The following WDR45B variants were observed in gnomAD, a reference collection of about 807,000 sequenced individuals.
WDR45B encodes WD repeat domain 45B.
A neutral mutation model predicts 44.6 loss-of-function variants in WDR45B; 20 were observed. The observed-to-expected ratio is 0.45, with a 90% CI of 0.32 to 0.65. WDR45B has a LOEUF of 0.65. Among genes scored for constraint, WDR45B ranks in the 30% least tolerant of loss-of-function variants. The pLI is 0.05. For missense variants in WDR45B, 323 were observed against 430.2 expected (o/e 0.75, Z 2.20); for synonymous variants, 169 against 164.9 (o/e 1.02, Z -0.19).
At chr17:82,624,784 A>C (rs904704761) in intron 5 of WDR45B, among the ~76,000 whole-genome samples, 1 of 150,216 alleles carries the variant, frequency 6.7e-6, no homozygotes, top group Admixed American at 6.7e-5. Context: ...ACGCCCGGCT[A>C]ATTTTTTGTA....
At chr17:82,635,524 CAAGT>C (rs1249841819) in intron 2 of WDR45B, among the ~76,000 whole-genome samples, 1 of 149,456 alleles carries the variant, frequency 6.7e-6, no homozygotes, top group African/African-American at 2.5e-5. Context: ...CTCCTGGGTT[CAAGT>C]GATTCTCCTG....
At chr17:82,624,485 CTCCTGACCTCGTGA>C (rs2045665478) in intron 5 of WDR45B, among the ~76,000 whole-genome samples, 1 of 152,186 alleles carries the variant, frequency 6.6e-6, no homozygotes, top group South Asian at 2.1e-4. Context: ...TGCTCTCTAT[CTCCTGACCTCGTGA>C]TCCGCCCGCC....
chr17:82,622,737 G>GT (rs2143272814), intron 5 of WDR45B, among the ~76,000 whole-genome samples: 1 of 131,436 alleles, frequency 7.6e-6, no homozygotes, highest in South Asian at 2.4e-4. Context: ...TTTTTTTTTT[G>GT]TAAAGTAAGA....
chr17:82,637,265 T>C (rs1030111632), intron 2 of WDR45B, among the ~76,000 whole-genome samples: 1 of 151,920 alleles, frequency 6.6e-6, no homozygotes, highest in Non-Finnish European at 1.5e-5. Context: ...GCAACTAAAA[T>C]TGCAGCAATA....
intron 2 of WDR45B, 63 bp downstream of exon 2, chr17:82,643,886 T>C: frequency 2.8e-6 from 4 of 1,444,278 alleles, no homozygotes; most frequent in Non-Finnish European, 3.7e-6. Context: ...ACCTGCAAGG[T>C]TAAATTTAAG....
intron 2 of WDR45B, among the ~76,000 whole-genome samples, chr17:82,640,617 G>A (rs2045901997): frequency 6.6e-6 from 1 of 152,128 alleles, no homozygotes; most frequent in Admixed American, 6.5e-5. Flanking sequence ...CCAAAGTGCT[G>A]GGATTAGAGG....
At position 82,648,389 on chromosome 17, in the gene WDR45B, T is replaced by C; in HGVS notation, c.-49A>G. The C allele has an allele frequency of 6.3e-7, 1 of 1,589,116 alleles. No individual in the cohort carries two copies. The highest frequency in any genetic ancestry group is 1.7e-5 in the Admixed American group (1 of 58,612). Reference sequence around the variant, plus strand: ...CTCCTCAGCGCTGCATGCCTCTCGCTGGGGACGGCGGCCTGGTCCCTTCGG... The same window carrying C: ...CTCCTCAGCGCTGCATGCCTCTCGCCGGGGACGGCGGCCTGGTCCCTTCGG... On this transcript the variant is annotated 5_prime_UTR_variant, in exon 1 of 10. Coordinates refer to ENST00000392325, the MANE Select transcript of WDR45B (RefSeq NM_019613.4).
At chr17:82,621,207 C>T (rs2045611088) in intron 6 of WDR45B, among the ~76,000 whole-genome samples, 1 of 152,110 alleles carries the variant, frequency 6.6e-6, no homozygotes, top group Non-Finnish European at 1.5e-5. Flanking sequence ...GTACACACCA[C>T]CATGCCTGGC....
At chr17:82,642,403 C>T (rs534317487) in intron 2 of WDR45B, among the ~76,000 whole-genome samples, 3 of 152,254 alleles carry the variant, frequency 2.0e-5, no homozygotes, top group African/African-American at 4.8e-5. Flanking sequence ...AACCATCCCC[C>T]TATGAAAAAA....
chr17:82,617,572 G>A (rs1275712306), intron 7 of WDR45B, 175 bp from the exon 8 acceptor site: 2 of 683,140 alleles, frequency 2.9e-6, no homozygotes, highest in Non-Finnish European at 5.2e-6. Flanking sequence ...AGCACCACAG[G>A]TTGAAGCCAC....
In WDR45B at chr17:82,643,934, C is replaced by T. The variant is rs1333713256; in HGVS notation, c.142+15G>A. On this transcript the variant is annotated intron_variant, in intron 2 of 9. Coordinates refer to ENST00000392325, the MANE Select transcript of WDR45B (RefSeq NM_019613.4). ...GGAAAGGGGAGAAACCAGAAAATGT[C>T]CCGTTAATTCTTACCTTGTTTCTCT... 2.5e-6 allele frequency: 4 copies of T among 1,612,712 alleles called. No homozygotes were observed. The highest frequency in any genetic ancestry group is 1.1e-5 in the South Asian group (1 of 90,960).
intron 2 of WDR45B, among the ~76,000 whole-genome samples, chr17:82,639,661 T>G (rs2045883212): frequency 6.6e-6 from 1 of 151,768 alleles, no homozygotes; most frequent in African/African-American, 2.4e-5. Context: ...TGCCGGGCTG[T>G]GTGTGTGTCG....
chr17:82,617,355 G>A lies in WDR45B; in HGVS notation c.747C>T (p.Ser249=), dbSNP rs145253791. ...NQDASLICVS[S]DHGTVHIFAA... is the part of the protein sequence containing the mutation. The stretch of plus-strand genomic sequence containing the variant: ...CAAAAATATGCACTGTGCCGTGGTC[G>A]CTGGATACGCAGATGAGGGACGCAT... Residue 249 remains serine, a synonymous_variant, in exon 8 of 10, where the codon AGC becomes AGT. Transcript: ENST00000392325. 514 of 1,614,054 alleles carry A rather than the reference G, an allele frequency of 3.2e-4. 10 individuals are homozygous for A. In the South Asian group the frequency reaches 3.6e-3, roughly 11 times the overall value.
At chr17:82,634,748 G>T (rs1470087089) in intron 2 of WDR45B, among the ~76,000 whole-genome samples, 1 of 151,962 alleles carries the variant, frequency 6.6e-6, no homozygotes, top group Non-Finnish European at 1.5e-5. Flanking sequence ...TTATGATTTT[G>T]TCAAGATAAG....
chr17:82,616,896 C>A (rs983774142), intron 8 of WDR45B, among the ~76,000 whole-genome samples: 69 of 152,152 alleles, frequency 4.5e-4, no homozygotes, highest in Non-Finnish European at 1.8e-4. Flanking sequence ...CGGCTCACTG[C>A]AGCCTCCACC....
chr17:82,621,976 A>G (rs2045625252), intron 5 of WDR45B, among the ~76,000 whole-genome samples, 177 bp from the exon 6 acceptor site: 1 of 152,220 alleles, frequency 6.6e-6, no homozygotes, highest in African/African-American at 2.4e-5. Context: ...AGGGCTAAGC[A>G]AAGCTACCTC....
At position 82,615,303 on chromosome 17, in the gene WDR45B, A is replaced by G. The variant is rs1217648905; in HGVS notation, c.*616T>C. The G allele has an allele frequency of 1.9e-5, 3 of 159,240 alleles. No individual in the cohort carries two copies. The allele number at this position is 159,240 out of a possible 1,614,324, so 9.9% of individuals were successfully genotyped here. A position where few individuals can be genotyped will look rare whatever the true frequency, so the allele number is the denominator to read the frequency against. On this transcript the variant is annotated 3_prime_UTR_variant, in exon 10 of 10. Transcript: ENST00000392325. ...CACGGGCACAGGTGACGTCACGGGC[A>G]CAGATGACCACGTTGCGGGTACGGA... is the stretch of plus-strand genomic sequence containing the variant.
intron 5 of WDR45B, among the ~76,000 whole-genome samples, chr17:82,623,352 A>C (rs1307203861): frequency 7.0e-6 from 1 of 143,030 alleles, no homozygotes; most frequent in Non-Finnish European, 1.5e-5. Context: ...GCACCACTGC[A>C]CTCCAGCCTG....
chr17:82,639,551 T>C (rs2171212), intron 2 of WDR45B, among the ~76,000 whole-genome samples: 69 of 151,616 alleles, frequency 4.6e-4, no homozygotes, highest in African/African-American at 1.5e-3. Flanking sequence ...TACCTACACA[T>C]TGCAGGCCTC....
Sources: gnomAD v4.1 joint callset for allele counts (sites outside exome capture counted in the v4.1 genomes callset) on GRCh38, gnomAD v4.1.1 for gene constraint, MANE v1.5 for transcripts, NCBI Gene and HGNC (gene_info 2026-07-23, HGNC 2026-07-21) for gene names.